The following ARHGAP6 variants were observed in gnomAD, a reference collection of about 807,000 sequenced individuals.
ARHGAP6 encodes the protein rho GTPase-activating protein 6.
ARHGAP6 carries 16 observed loss-of-function variants against 55.7 expected under a neutral mutation model. The ratio of observed to expected loss-of-function variants is 0.29; its 90% CI spans 0.19 to 0.44. The LOEUF is 0.44. ARHGAP6 is among the 20% of genes least tolerant of loss of function. ARHGAP6 has a pLI of 1.00. For synonymous variants in ARHGAP6, 382 were observed against 360.9 expected, an observed-to-expected ratio of 1.06 and a Z score of -0.66; for missense variants, 698 against 808.9, an observed-to-expected ratio of 0.86 and a Z score of 1.66.
At chrX:11,448,365 G>A (rs907449697) in intron 1 of ARHGAP6, among the ~76,000 whole-genome samples, 2 of 111,676 alleles carry the variant, frequency 1.8e-5, no homozygotes, top group Admixed American at 9.5e-5. Context: ...CCTCAAGTTG[G>A]ATGGTAAGTA....
At chrX:11,186,766 TACTC>T (rs1004363210) in intron 4 of ARHGAP6, among the ~76,000 whole-genome samples, 35 of 111,904 alleles carry the variant, frequency 3.1e-4, no homozygotes, top group African/African-American at 5.8e-4. Flanking sequence ...AAAAATTACA[TACTC>T]AATCAATGAG....
At chrX:11,191,880 C>G (rs1242078342) in intron 3 of ARHGAP6, among the ~76,000 whole-genome samples, 1 of 111,910 alleles carries the variant, frequency 8.9e-6, no homozygotes, top group Non-Finnish European at 1.9e-5. Context: ...GGGTTTTTCT[C>G]TACCTCTCTG....
intron 1 of ARHGAP6, among the ~76,000 whole-genome samples, chrX:11,492,374 A>C (rs1032923084): frequency 5.4e-5 from 6 of 112,030 alleles, no homozygotes; most frequent in African/African-American, 1.9e-4. Context: ...TATGGTTTTA[A>C]ATAATTAGAA....
At chrX:11,286,491 T>C (rs943199756) in intron 1 of ARHGAP6, among the ~76,000 whole-genome samples, 1 of 111,511 alleles carries the variant, frequency 9.0e-6, no homozygotes, top group African/African-American at 3.3e-5. Context: ...AATAGTTGTC[T>C]TTCCACAACA....
At chrX:11,359,393 T>C (rs948770864) in intron 1 of ARHGAP6, among the ~76,000 whole-genome samples, 4 of 112,482 alleles carry the variant, frequency 3.6e-5, no homozygotes, top group Non-Finnish European at 7.5e-5. Context: ...GGACATTATG[T>C]TTAATAAACA....
intron 2 of ARHGAP6, among the ~76,000 whole-genome samples, chrX:11,213,712 T>C (rs1178220934): frequency 2.7e-5 from 3 of 111,415 alleles, no homozygotes; most frequent in Admixed American, 1.9e-4. Context: ...CACAGGAACA[T>C]AGAGAGTGGA....
intron 1 of ARHGAP6, among the ~76,000 whole-genome samples, chrX:11,372,878 G>C (rs958905065): frequency 9.4e-5 from 10 of 105,931 alleles, no homozygotes; most frequent in Middle Eastern, 4.9e-3. Flanking sequence ...GTTAAGGAAA[G>C]ACTTTGGAAA....
chrX:11,190,460 G>GATATATATATATATATATATATAT (rs535056484), intron 3 of ARHGAP6, among the ~76,000 whole-genome samples: 1 of 76,978 alleles, frequency 1.3e-5, no homozygotes, highest in African/African-American at 5.4e-5. Context: ...ACCCTGAGGA[G>GATATATATATATATATATATATAT]ATATATATAT....
At chrX:11,471,229 G>C (rs766438077) in intron 1 of ARHGAP6, among the ~76,000 whole-genome samples, 6 of 111,451 alleles carry the variant, frequency 5.4e-5, no homozygotes, top group African/African-American at 1.9e-4. Flanking sequence ...AAAGAATGTA[G>C]TAATTATAAA....
At chrX:11,635,934 C>T (rs1301284898) in intron 1 of ARHGAP6, among the ~76,000 whole-genome samples, 2 of 111,792 alleles carry the variant, frequency 1.8e-5, no homozygotes, top group African/African-American at 6.5e-5. Flanking sequence ...ATAACAGCAA[C>T]AATTGTTTCC....
chrX:11,554,460 C>A (rs1404383384), intron 1 of ARHGAP6, among the ~76,000 whole-genome samples: 1 of 111,952 alleles, frequency 8.9e-6, no homozygotes, highest in African/African-American at 3.2e-5. Context: ...ATATTCCCAA[C>A]ACATAGAGAT....
intron 1 of ARHGAP6, among the ~76,000 whole-genome samples, chrX:11,514,495 C>T (rs891834919): frequency 3.7e-5 from 4 of 109,378 alleles, no homozygotes; most frequent in Non-Finnish European, 7.6e-5. Flanking sequence ...TCAGCAGAAC[C>T]GCACCACCCC....
intron 1 of ARHGAP6, among the ~76,000 whole-genome samples, chrX:11,329,143 A>C (rs1219107587): frequency 8.9e-6 from 1 of 111,850 alleles, no homozygotes; most frequent in African/African-American, 3.3e-5. Context: ...TTTAATAATA[A>C]ATTTCATGAA....
chrX:11,650,371 T>C (rs2052572332), intron 1 of ARHGAP6, among the ~76,000 whole-genome samples: 1 of 111,915 alleles, frequency 8.9e-6, no homozygotes, highest in South Asian at 3.7e-4. Flanking sequence ...ATTCAGTCAA[T>C]GAACATTTAT....
chrX:11,199,684 T>C (rs2046592247), intron 2 of ARHGAP6, among the ~76,000 whole-genome samples: 1 of 112,340 alleles, frequency 8.9e-6, no homozygotes. Context: ...CCAGACAACA[T>C]CTTGAAGTCT....
chrX:11,556,920 C>T (rs772794196), intron 1 of ARHGAP6, among the ~76,000 whole-genome samples: 8 of 111,945 alleles, frequency 7.1e-5, no homozygotes, highest in African/African-American at 2.3e-4. Flanking sequence ...CAATAACTTG[C>T]TCAGAGTCAG....
In ARHGAP6 at chrX:11,142,314, C is replaced by G; in HGVS notation, c.2177-1G>C. On this transcript the variant is annotated splice_acceptor_variant, in intron 11 of 12. Coordinates refer to ENST00000337414, the MANE Select transcript of ARHGAP6 (RefSeq NM_013427.3). LOFTEE classifies it high-confidence loss of function. ...ATATCGAAAGGCTCCTCTGACAGAT[C>G]TAGGGAAAAAGTGTATAAAAAGGTA... 8.5e-7 allele frequency: 1 copy of G among 1,178,004 alleles called. No homozygotes were observed. Among genetic ancestry groups the G allele is most frequent in the Non-Finnish European group, 1.1e-6 (1 of 874,056 alleles).
chrX:11,292,467 G>A (rs1448777534), intron 1 of ARHGAP6, among the ~76,000 whole-genome samples: 1 of 111,475 alleles, frequency 9.0e-6, no homozygotes, highest in Non-Finnish European at 1.9e-5. Context: ...GGAGGCTGCT[G>A]AGAACATGGA....
At chrX:11,592,257 A>C (rs1168382002) in intron 1 of ARHGAP6, among the ~76,000 whole-genome samples, 1 of 112,021 alleles carries the variant, frequency 8.9e-6, no homozygotes, top group Non-Finnish European at 1.9e-5. Flanking sequence ...ATACAAACAT[A>C]CAACACACAA....
Sources: gnomAD v4.1 joint callset for allele counts (sites outside exome capture counted in the v4.1 genomes callset) on GRCh38, gnomAD v4.1.1 for gene constraint, MANE v1.5 for transcripts, NCBI Gene and HGNC (gene_info 2026-07-23, HGNC 2026-07-21) for gene names.